PPP4R4: variants seen among roughly 807,000 people sequenced by gnomAD.
PPP4R4 encodes protein phosphatase 4 regulatory subunit 4.
PPP4R4 carries 70 observed loss-of-function variants against 121.8 expected under a neutral mutation model. The observed-to-expected ratio is 0.57, with a 90% confidence interval of 0.47 to 0.70. PPP4R4 has a LOEUF of 0.70. PPP4R4 is among the 30% of genes least tolerant of loss of function. The pLI, the probability that PPP4R4 is intolerant of heterozygous loss-of-function variation, is 0.00. For missense variants in PPP4R4, 875 were observed against 1,033.6 expected, an observed-to-expected ratio of 0.85 and a Z score of 2.10; for synonymous variants, 348 against 355.7, an observed-to-expected ratio of 0.98 and a Z score of 0.24.
intron 3 of PPP4R4, among the ~76,000 whole-genome samples, chr14:94,210,845 A>G (rs1890705876): frequency 6.6e-6 from 1 of 152,184 alleles, no homozygotes; most frequent in African/African-American, 2.4e-5. Flanking sequence ...CCAAACATTT[A>G]ATCACTCCCA....
intron 14 of PPP4R4, among the ~76,000 whole-genome samples, chr14:94,247,110 G>A (rs1892936681): frequency 6.6e-6 from 1 of 152,130 alleles, no homozygotes; most frequent in Non-Finnish European, 1.5e-5. Flanking sequence ...TCAAAACAAG[G>A]TGGCACTCAA....
At chr14:94,237,444 G>T (rs1892401590) in intron 7 of PPP4R4, 121 bp from the exon 8 acceptor site, 2 of 859,442 alleles carry the variant, frequency 2.3e-6, no homozygotes, top group African/African-American at 3.4e-5. Flanking sequence ...TGGAGAGCAG[G>T]AACAGTATCT....
At chr14:94,199,910 T>C (rs929426944) in intron 2 of PPP4R4, among the ~76,000 whole-genome samples, 6 of 152,126 alleles carry the variant, frequency 3.9e-5, no homozygotes, top group Admixed American at 3.3e-4. Context: ...TTGGGGTTTT[T>C]ATAGGCACAG....
chr14:94,255,991 A>G (rs1893451577), intron 16 of PPP4R4, among the ~76,000 whole-genome samples: 1 of 152,086 alleles, frequency 6.6e-6, no homozygotes, highest in Admixed American at 6.5e-5. Flanking sequence ...AGCTCTCTAT[A>G]TTTGCTGTGA....
intron 3 of PPP4R4, 78 bp from the exon 4 acceptor site, chr14:94,230,509 C>T: frequency 7.3e-7 from 1 of 1,360,686 alleles, no homozygotes; most frequent in Admixed American, 2.2e-5. Flanking sequence ...TATTTAGTTT[C>T]TACAACCTTG....
intron 2 of PPP4R4, among the ~76,000 whole-genome samples, chr14:94,186,204 T>C (rs1446392850): frequency 6.6e-6 from 1 of 152,224 alleles, no homozygotes; most frequent in Non-Finnish European, 1.5e-5. Context: ...GATTCAGATA[T>C]TGAACATATC....
chr14:94,174,558 G>A lies in PPP4R4; in HGVS notation c.93G>A (p.Glu31=), dbSNP rs1188791802. 1 of 1,612,148 alleles carries A rather than the reference G, an allele frequency of 6.2e-7. No individual in the cohort carries two copies. Among genetic ancestry groups the A allele is most frequent in the Non-Finnish European group, 8.5e-7 (1 of 1,179,172 alleles). The part of the protein sequence containing the change: ...MEDLQELTII[E]RPVRRSLKTP... ...ACCTGCAGGAGCTCACCATCATCGA[G>A]AGGCCGGTCCGCCGGAGCCTCAAGG... The change falls in exon 1 of 25, where the codon GAG becomes GAA. Residue 31 remains glutamate (E), a synonymous_variant. Coordinates refer to ENST00000304338, the MANE Select transcript of PPP4R4 (RefSeq NM_058237.2).
At chr14:94,216,511 A>G (rs984383882) in intron 3 of PPP4R4, among the ~76,000 whole-genome samples, 1 of 152,234 alleles carries the variant, frequency 6.6e-6, no homozygotes, top group East Asian at 1.9e-4. Context: ...CTTTGCATCC[A>G]TTTGCAAGCT....
chr14:94,219,701 C>A (rs1369851288), intron 3 of PPP4R4, among the ~76,000 whole-genome samples: 7 of 152,092 alleles, frequency 4.6e-5, no homozygotes, highest in African/African-American at 1.7e-4. Context: ...AAAAACTAGT[C>A]AGTATAAATC....
chr14:94,189,344 T>C (rs1354744540), intron 2 of PPP4R4, among the ~76,000 whole-genome samples: 1 of 152,220 alleles, frequency 6.6e-6, no homozygotes, highest in East Asian at 1.9e-4. Context: ...TATCCTGTCC[T>C]TATTATTAGA....
chr14:94,265,718 GT>G, intron 21 of PPP4R4, 75 bp from the exon 22 acceptor site: 2 of 1,082,482 alleles, frequency 1.8e-6, no homozygotes, highest in Non-Finnish European at 2.7e-6. Context: ...AATGATGGTA[GT>G]TGGGGAGGGA....
chr14:94,265,407 A>G lies in PPP4R4; in HGVS notation c.2218A>G (p.Thr740Ala), dbSNP rs1893991738. 1.5e-5 allele frequency: 24 copies of G among 1,612,588 alleles called. No homozygotes were observed. The highest frequency in any genetic ancestry group is 2.0e-5 in the Non-Finnish European group (24 of 1,178,610). The part of the protein sequence containing the change: ...EKKRRDTKTP[T>A]QSLPKNIPIS... ...TTTAGGTAGAGACACTAAGACACCAACGCAAAGTCTGCCCAAGAACATCCC... is the reference window on the plus strand; with the variant it reads ...TTTAGGTAGAGACACTAAGACACCAGCGCAAAGTCTGCCCAAGAACATCCC... The change falls in exon 21 of 25, where the codon ACG becomes GCG. Residue 740 changes from threonine (T) to alanine (A), a missense_variant. Coordinates refer to ENST00000304338, the MANE Select transcript of PPP4R4 (RefSeq NM_058237.2).
intron 3 of PPP4R4, 95 bp from the exon 4 acceptor site, chr14:94,230,492 A>C: frequency 8.6e-7 from 1 of 1,163,484 alleles, no homozygotes; most frequent in Non-Finnish European, 1.2e-6. Flanking sequence ...ATTTTGTGGA[A>C]TATGACTATT....
intron 2 of PPP4R4, among the ~76,000 whole-genome samples, chr14:94,194,171 A>G (rs1889743189): frequency 6.6e-6 from 1 of 152,246 alleles, no homozygotes; most frequent in Non-Finnish European, 1.5e-5. Context: ...AGTTTAAAAG[A>G]TAGGTGTCCT....
intron 9 of PPP4R4, 31 bp from the exon 10 acceptor site, chr14:94,241,757 A>G (rs1892647517): frequency 1.3e-6 from 2 of 1,495,602 alleles, no homozygotes; most frequent in African/African-American, 1.4e-5. Flanking sequence ...TTCAATTGAA[A>G]TGTTGAGCTA....
chr14:94,246,022 G>C (rs1892875371), intron 13 of PPP4R4, among the ~76,000 whole-genome samples: 1 of 151,982 alleles, frequency 6.6e-6, no homozygotes, highest in Non-Finnish European at 1.5e-5. Flanking sequence ...CTAAGAAAAG[G>C]GTAGGATTTA....
In PPP4R4 at chr14:94,272,240, C is replaced by T. The variant is rs562028198; in HGVS notation, c.2450-3134C>T. Among the ~76,000 whole-genome samples the T allele has an allele frequency of 1.5e-3, 235 of 152,282 alleles. 10 individuals are homozygous for T. The South Asian group carries it at 0.048, about 31-fold the overall frequency. On this transcript the variant is annotated intron_variant, in intron 23 of 24. Coordinates refer to ENST00000304338, the MANE Select transcript of PPP4R4 (RefSeq NM_058237.2). Reference sequence around the variant, plus strand: ...GAAGAACAAAGCTAGAAGATTGACACCACCTGACTTCAGGACTTAGTATAA... The same window carrying T: ...GAAGAACAAAGCTAGAAGATTGACATCACCTGACTTCAGGACTTAGTATAA...
chr14:94,230,196 A>C (rs922588897), intron 3 of PPP4R4, among the ~76,000 whole-genome samples: 2 of 152,214 alleles, frequency 1.3e-5, no homozygotes, highest in African/African-American at 4.8e-5. Context: ...CAAATAATGG[A>C]AACACATGTG....
At chr14:94,225,034 G>A (rs1265583575) in intron 3 of PPP4R4, among the ~76,000 whole-genome samples, 1 of 152,120 alleles carries the variant, frequency 6.6e-6, no homozygotes, top group African/African-American at 2.4e-5. Context: ...ATGGTGAACA[G>A]GGTATGGTAG....
Sources: gnomAD v4.1 joint callset for allele counts (sites outside exome capture counted in the v4.1 genomes callset) on GRCh38, gnomAD v4.1.1 for gene constraint, MANE v1.5 for transcripts, NCBI Gene and HGNC (gene_info 2026-07-23, HGNC 2026-07-21) for gene names.